The following HYLS1 variants were observed in gnomAD, a reference collection of about 807,000 sequenced individuals.
HYLS1 encodes centriolar and ciliogenesis-associated protein HYLS1.
HYLS1 carries 25 observed loss-of-function variants against 29.4 expected under a neutral mutation model. The ratio of observed to expected loss-of-function variants is 0.85; its 90% CI spans 0.62 to 1.19. The LOEUF is 1.19. Ranked by LOEUF, HYLS1 falls within the 50% of genes most tolerant of loss-of-function variation. HYLS1 has a pLI of 0.00. For synonymous variants in HYLS1, 128 were observed against 126.7 expected (o/e 1.01, Z -0.07); for missense variants, 352 against 365.1 (o/e 0.96, Z 0.29).
At chr11:125,895,577 A>G (rs746287849) in intron 2 of HYLS1, 21 of 1,614,260 alleles carry the variant, frequency 1.3e-5, no homozygotes, top group Non-Finnish European at 1.4e-5. Flanking sequence ...GAGGGAAAAA[A>G]TAGCGGTAAG....
In HYLS1 at chr11:125,899,735, GAA is replaced by G; in HGVS notation, c.370_371del (p.Asn124Ter). 2.5e-6 allele frequency: 4 copies of G among 1,614,218 alleles called. No homozygotes were observed. Among genetic ancestry groups the G allele is most frequent in the Non-Finnish European group, 3.4e-6 (4 of 1,180,016 alleles). ...SIISESESGT[E>X]NDQDLWDLRQ... ...TATCAGTGAATCAGAATCTGGTACA[GAA>G]AATGATCAGGATCTCTGGGACTTAA... On this transcript the variant is annotated frameshift_variant, in exon 3 of 3. Transcript: ENST00000425380. LOFTEE classifies it high-confidence loss of function.
rs1370102177 is a variant in HYLS1, at chr11:125,896,276, A to G, written c.-25-3068A>G. 7.5e-6 allele frequency: 12 copies of G among 1,604,922 alleles called. No homozygotes were observed. In the African/African-American group the frequency reaches 1.6e-4, roughly 22 times the overall value. ...CAGTCTGGTTTCTGTCTGTGTCATTATAAGCCATGATATGACAACCCCAGG... is the reference window on the plus strand; with the variant it reads ...CAGTCTGGTTTCTGTCTGTGTCATTGTAAGCCATGATATGACAACCCCAGG... On this transcript the variant is annotated intron_variant, in intron 2 of 2. Transcript: ENST00000425380.
intron 2 of HYLS1, chr11:125,895,159 G>T: frequency 7.5e-7 from 1 of 1,334,132 alleles, no homozygotes; most frequent in Non-Finnish European, 1.0e-6. Flanking sequence ...CAATTCTTGT[G>T]CCTCAAGCGT....
At chr11:125,899,178 T>A in intron 2 of HYLS1, 166 bp from the exon 3 acceptor site, 1 of 591,112 alleles carries the variant, frequency 1.7e-6, no homozygotes, top group Non-Finnish European at 3.0e-6. Context: ...TCCCTAGAAC[T>A]GAGTTAATGC....
intron 2 of HYLS1, chr11:125,896,401 G>T: frequency 8.7e-6 from 9 of 1,039,836 alleles, no homozygotes; most frequent in Non-Finnish European, 1.3e-5. Context: ...TGGTATATAA[G>T]ATTTAATTTA....
Position 125,900,331 on chromosome 11 carries a change from T to A in HYLS1, c.*63T>A. 2.0e-6 allele frequency: 3 copies of A among 1,491,704 alleles called. No homozygotes were observed. Among genetic ancestry groups the A allele is most frequent in the Non-Finnish European group, 2.8e-6 (3 of 1,071,450 alleles). 92.4% of individuals were successfully genotyped at this position (1,491,704 alleles called of 1,614,324 possible). A position where few individuals can be genotyped will look rare whatever the true frequency, so the allele number is the denominator to read the frequency against. Reference sequence around the variant, plus strand: ...ACCTAGCTCTTTATATCTTCCCTTTTAAATAGAAACAACTGTCTTGAGAAG... The same window carrying A: ...ACCTAGCTCTTTATATCTTCCCTTTAAAATAGAAACAACTGTCTTGAGAAG... On this transcript the variant is annotated 3_prime_UTR_variant, in exon 3 of 3. Coordinates refer to ENST00000425380, the MANE Select transcript of HYLS1 (RefSeq NM_001134793.2).
At position 125,893,982 on chromosome 11, in the gene HYLS1, G is replaced by A. The variant is rs767221951; in HGVS notation, c.-26+2510G>A. On this transcript the variant is annotated intron_variant, in intron 2 of 2. Coordinates refer to ENST00000425380, the MANE Select transcript of HYLS1 (RefSeq NM_001134793.2). ...GATTCCAGTCCTTGGCATTTAGGAC[G>A]GTCCATGAGGGGCTTATATGTGCGC... is the stretch of plus-strand genomic sequence containing the variant. 1.6e-5 allele frequency: 26 copies of A among 1,614,016 alleles called. No homozygotes were observed. The highest frequency in any genetic ancestry group is 6.7e-5 in the East Asian group (3 of 44,898).
upstream of HYLS1, chr11:125,887,045 A>T (rs1455859706): frequency 2.6e-5 from 4 of 152,330 alleles, no homozygotes; most frequent in Non-Finnish European, 4.4e-5. Flanking sequence ...GTAACGTGGG[A>T]GGAGCTGTGG....
At position 125,888,213 on chromosome 11, in the gene HYLS1, C is replaced by T. The variant is rs1944344130; in HGVS notation, c.-76+448C>T. The T allele has an allele frequency of 3.3e-5, 5 of 152,286 alleles. No homozygotes were observed. In the South Asian group the frequency reaches 1.0e-3, roughly 31 times the overall value. The allele number at this position is 152,286 out of a possible 1,614,324, so 9.4% of individuals were successfully genotyped here. A position where few individuals can be genotyped will look rare whatever the true frequency, so the allele number is the denominator to read the frequency against. ...TTGAAAGGCGGAGCGTGTCTTGTCG[C>T]CTTCTAGCTGCACCTTTTGTGGACT... On this transcript the variant is annotated intron_variant, in intron 1 of 2. Coordinates refer to ENST00000425380, the MANE Select transcript of HYLS1 (RefSeq NM_001134793.2).
At chr11:125,883,874 C>G (rs1248482553), upstream of HYLS1, 1 of 144,534 alleles carries the variant, frequency 6.9e-6, no homozygotes, top group Admixed American at 6.9e-5. Context: ...GACTCTGTCT[C>G]AAAAAAAAAA....
intron 2 of HYLS1, among the ~76,000 whole-genome samples, chr11:125,896,526 A>G (rs1414603828): frequency 6.6e-6 from 1 of 152,236 alleles, no homozygotes; most frequent in Admixed American, 6.5e-5. Flanking sequence ...CACAGAGGGA[A>G]AGAACTGTTT....
At chr11:125,884,396 T>A (rs1453053243), upstream of HYLS1, among the ~76,000 whole-genome samples, 1 of 147,806 alleles carries the variant, frequency 6.8e-6, no homozygotes. Flanking sequence ...GGTCACAAGG[T>A]CAGGAGATCG....
chr11:125,893,659 T>C (rs1944475684), intron 2 of HYLS1: 1 of 794,208 alleles, frequency 1.3e-6, no homozygotes, highest in East Asian at 2.7e-5. Context: ...TTAGTCTTTT[T>C]GCTTTTTTTT....
At chr11:125,894,351 TA>T in intron 2 of HYLS1, 3 of 1,386,642 alleles carry the variant, frequency 2.2e-6, no homozygotes, top group Non-Finnish European at 2.9e-6. Context: ...CTTTAAAAAC[TA>T]AGGGTTAGTT....
At position 125,891,146 on chromosome 11, in the gene HYLS1, T is replaced by G. The variant is rs545228979; in HGVS notation, c.-75-277T>G. Among the ~76,000 whole-genome samples, 4 of 152,338 alleles carry G rather than the reference T, an allele frequency of 2.6e-5. No homozygotes were observed. In the South Asian group the frequency reaches 8.3e-4, roughly 32 times the overall value. ...TAAGAGAGCAAGTACTTTTGCAAAG[T>G]TGCATTTGGGGGCTTCCCATTTGTT... On this transcript the variant is annotated intron_variant, in intron 1 of 2. Transcript: ENST00000425380.
intron 2 of HYLS1, chr11:125,899,088 T>C: frequency 4.5e-6 from 2 of 442,538 alleles, no homozygotes; most frequent in Non-Finnish European, 8.2e-6. Context: ...GCCAGAACTA[T>C]ACTGTCCTGT....
intron 2 of HYLS1, chr11:125,895,412 G>A (rs755733425): frequency 1.2e-6 from 2 of 1,614,036 alleles, no homozygotes; most frequent in Non-Finnish European, 1.7e-6. Flanking sequence ...CCTCACCTGG[G>A]CTCTGGCCCA....
chr11:125,885,096 A>C (rs1944283457), upstream of HYLS1, among the ~76,000 whole-genome samples: 1 of 152,222 alleles, frequency 6.6e-6, no homozygotes, highest in Non-Finnish European at 1.5e-5. Context: ...TCAGGAGTAG[A>C]TCCTTCAAGC....
chr11:125,888,787 A>G, intron 1 of HYLS1, among the ~76,000 whole-genome samples: 1 of 15,800 alleles, frequency 6.3e-5, no homozygotes, highest in South Asian at 3.5e-3. Flanking sequence ...AAAAAAAAAA[A>G]GAGAAAAGAA....
Sources: gnomAD v4.1 joint callset for allele counts (sites outside exome capture counted in the v4.1 genomes callset) on GRCh38, gnomAD v4.1.1 for gene constraint, MANE v1.5 for transcripts, NCBI Gene and HGNC (gene_info 2026-07-23, HGNC 2026-07-21) for gene names.